Variants in PHLPP1 observed in about 807,000 individuals in gnomAD.
PHLPP1 encodes PH domain leucine-rich repeat-containing protein phosphatase 1.
PHLPP1 carries 42 observed loss-of-function variants against 117.2 expected under a neutral mutation model. That is an observed-to-expected ratio of 0.36 (90% confidence interval 0.28 to 0.46). The LOEUF (loss-of-function observed/expected upper bound fraction) is 0.46, where lower values mean the gene tolerates loss of function less well. Among genes scored for constraint, PHLPP1 ranks in the 20% least tolerant of loss-of-function variants. The pLI is 1.00. For missense variants in PHLPP1, 2,084 were observed against 2,241.9 expected (o/e 0.93, Z 1.42); for synonymous variants, 1,042 against 970.7 (o/e 1.07, Z -1.37).
chr18:62,877,659 T>C (rs536031089), intron 4 of PHLPP1, among the ~76,000 whole-genome samples: 217 of 152,360 alleles, frequency 1.4e-3, no homozygotes, highest in Non-Finnish European at 2.6e-3. Context: ...TCCTTTCTTA[T>C]ACAGCTTTGC....
At chr18:62,827,521 A>C (rs1914642616) in intron 1 of PHLPP1, among the ~76,000 whole-genome samples, 1 of 152,330 alleles carries the variant, frequency 6.6e-6, no homozygotes, top group Non-Finnish European at 1.5e-5. Flanking sequence ...ATTCATCTCC[A>C]TATTCCCCAG....
At chr18:62,869,826 G>A (rs76116425) in intron 4 of PHLPP1, among the ~76,000 whole-genome samples, 140 of 152,248 alleles carry the variant, frequency 9.2e-4, no homozygotes, top group African/African-American at 3.2e-3. Context: ...ATGTGGTATC[G>A]GAGTAACTGG....
chr18:62,813,658 A>C (rs1243539255), intron 1 of PHLPP1, among the ~76,000 whole-genome samples: 1 of 152,192 alleles, frequency 6.6e-6, no homozygotes, highest in South Asian at 2.1e-4. Flanking sequence ...CACCTGCAAC[A>C]TCTGCAAAAT....
intron 9 of PHLPP1, among the ~76,000 whole-genome samples, chr18:62,916,513 C>T (rs573648875): frequency 1.1e-4 from 17 of 151,600 alleles, no homozygotes; most frequent in Middle Eastern, 3.4e-3. Flanking sequence ...CCTGTAAATA[C>T]GATCCATTTG....
intron 12 of PHLPP1, among the ~76,000 whole-genome samples, chr18:62,956,053 A>G (rs543820542): frequency 6.6e-6 from 1 of 152,344 alleles, no homozygotes; most frequent in South Asian, 2.1e-4. Flanking sequence ...ACAAAGCAAA[A>G]AAGAGATGAC....
Position 62,716,619 on chromosome 18 carries a change from G to T in PHLPP1, c.936G>T (p.Trp312Cys), listed in dbSNP as rs1910748979. ...LPLPVGGPGG[W>C]SRRASPAPSD... Reference sequence around the variant, plus strand: ...TGCCCGTCGGCGGCCCGGGCGGGTGGTCGCGCCGCGCCAGCCCAGCGCCCT... The same window carrying T: ...TGCCCGTCGGCGGCCCGGGCGGGTGTTCGCGCCGCGCCAGCCCAGCGCCCT... Residue 312 changes from tryptophan (W) to cysteine (C), a missense_variant, in exon 1 of 17, where the codon TGG (tryptophan) becomes TGT (cysteine). Physicochemically the swap from Trp to Cys is radical, Grantham distance 215. Transcript: ENST00000262719. This position sits in a 1 kb window ranked among gnomAD's most constrained non-coding sequence, Gnocchi z 5.7. 30 of 1,308,468 alleles carry T rather than the reference G, an allele frequency of 2.3e-5. No individual in the cohort carries two copies. The highest frequency in any genetic ancestry group is 2.9e-5 in the Non-Finnish European group (30 of 1,030,822). The allele number at this position is 1,308,468 out of a possible 1,614,324, so 81.1% of individuals were successfully genotyped here.
intron 14 of PHLPP1, among the ~76,000 whole-genome samples, chr18:62,964,501 TC>T (rs1484445646): frequency 6.6e-6 from 1 of 152,204 alleles, no homozygotes; most frequent in Non-Finnish European, 1.5e-5. Flanking sequence ...GACACATTGA[TC>T]TTTTCCCCTT....
rs142840887 is a variant in PHLPP1 at position 62,918,096 on chromosome 18, C to A, written c.2805-1863C>A. Among the ~76,000 whole-genome samples, 925 of 151,368 alleles carry A rather than the reference C, an allele frequency of 6.1e-3. 15 individuals carry two copies. Among genetic ancestry groups the A allele is most frequent in the African/African-American group, 0.021 (883 of 41,288 alleles). On this transcript the variant is annotated intron_variant, in intron 9 of 16. Coordinates refer to ENST00000262719, the MANE Select transcript of PHLPP1 (RefSeq NM_194449.4). The stretch of plus-strand genomic sequence containing the variant: ...TGGTGCACGCCTGTAGTCCCAGCTA[C>A]TCTGGAGGCTGAGGCAGGAGAATCA...
chr18:62,928,737 GAAAGTAGAACTC>G lies in PHLPP1; in HGVS notation c.2960+8627_2960+8638del, dbSNP rs145245260. 1.2e-3 allele frequency among the ~76,000 whole-genome samples: 176 copies of G among 152,234 alleles called. 1 individual carries two copies. In the East Asian group the frequency reaches 0.016, roughly 13 times the overall value. ...ATAGCAACATTATTCATAACAACTG[GAAAGTAGAACTC>G]AAATGTCTACCACTTGATTAATGGA... On this transcript the variant is annotated intron_variant, in intron 10 of 16. Coordinates refer to ENST00000262719, the MANE Select transcript of PHLPP1 (RefSeq NM_194449.4).
At chr18:62,729,832 G>C (rs1257449910) in intron 1 of PHLPP1, among the ~76,000 whole-genome samples, 5 of 152,210 alleles carry the variant, frequency 3.3e-5, no homozygotes, top group Non-Finnish European at 7.3e-5. Context: ...ATTGTATCCT[G>C]CTACCTAATG....
At chr18:62,818,038 C>T (rs375194228) in intron 1 of PHLPP1, among the ~76,000 whole-genome samples, 1 of 151,432 alleles carries the variant, frequency 6.6e-6, no homozygotes, top group African/African-American at 2.4e-5. Flanking sequence ...TATGTTTAGC[C>T]GAGACAGGGT....
chr18:62,875,193 A>G (rs1390622169), intron 4 of PHLPP1, among the ~76,000 whole-genome samples: 1 of 152,140 alleles, frequency 6.6e-6, no homozygotes, highest in Non-Finnish European at 1.5e-5. Flanking sequence ...TGACCTCATT[A>G]TCTGCCCACC....
intron 4 of PHLPP1, among the ~76,000 whole-genome samples, chr18:62,885,253 C>T (rs1341649266): frequency 2.6e-5 from 4 of 152,128 alleles, no homozygotes; most frequent in African/African-American, 4.8e-5. Context: ...GTTTTCTTTC[C>T]TGCCCTTGGA....
At chr18:62,956,875 T>C (rs1395680579) in intron 12 of PHLPP1, among the ~76,000 whole-genome samples, 2 of 152,178 alleles carry the variant, frequency 1.3e-5, no homozygotes, top group Non-Finnish European at 2.9e-5. Context: ...TACCCAAAAA[T>C]ACAGGTTTTC....
chr18:62,761,898 C>T lies in PHLPP1; in HGVS notation c.1576+44639C>T, dbSNP rs562793324. 5.3e-5 allele frequency among the ~76,000 whole-genome samples: 8 copies of T among 152,038 alleles called. No homozygotes were observed. In the East Asian group the frequency reaches 9.6e-4, roughly 18 times the overall value. On this transcript the variant is annotated intron_variant, in intron 1 of 16. Transcript: ENST00000262719. ...TGTTGGGATTATAGGCATGAGCTGC[C>T]GCACTGGTCCTCTGTAAGCATTTTT...
intron 1 of PHLPP1, among the ~76,000 whole-genome samples, chr18:62,793,100 A>G (rs976068034): frequency 1.5e-4 from 23 of 152,212 alleles, no homozygotes; most frequent in Admixed American, 1.4e-3. Flanking sequence ...ACTTGAACCC[A>G]GGAGGCAGAG....
Position 62,715,770 on chromosome 18 carries a change from G to T in PHLPP1, c.87G>T (p.Ala29=). The T allele has an allele frequency of 9.5e-6, 9 of 948,596 alleles. No individual in the cohort carries two copies. The highest frequency in any genetic ancestry group is 1.2e-5 in the Non-Finnish European group (9 of 769,888). The allele number at this position is 948,596 out of a possible 1,614,324, so 58.8% of individuals were successfully genotyped here. Residue 29 remains alanine (A), a synonymous_variant, in exon 1 of 17, where the codon GCG becomes GCT. Coordinates refer to ENST00000262719, the MANE Select transcript of PHLPP1 (RefSeq NM_194449.4). ...DRASAPAAAA[A]AAAAAAAAAA... is the part of the protein sequence containing the mutation. Reference sequence around the variant, plus strand: ...CTTCGGCTCCGGCGGCCGCCGCTGCGGCAGCAGCAGCAGCAGCGGCGGCCG... The same window carrying T: ...CTTCGGCTCCGGCGGCCGCCGCTGCTGCAGCAGCAGCAGCAGCGGCGGCCG...
At chr18:62,916,147 C>A (rs1213675222) in intron 9 of PHLPP1, among the ~76,000 whole-genome samples, 1 of 151,796 alleles carries the variant, frequency 6.6e-6, no homozygotes, top group Non-Finnish European at 1.5e-5. Context: ...GTATGGTAGC[C>A]CCCAGCCAGC....
At chr18:62,873,859 A>T (rs1915968409) in intron 4 of PHLPP1, among the ~76,000 whole-genome samples, 1 of 152,192 alleles carries the variant, frequency 6.6e-6, no homozygotes, top group Non-Finnish European at 1.5e-5. Flanking sequence ...TTAAGCATTG[A>T]AATAAATATG....
Sources: gnomAD v4.1 joint callset for allele counts (sites outside exome capture counted in the v4.1 genomes callset) on GRCh38, gnomAD v4.1.1 for gene constraint, Gnocchi (gnomAD v3.1) non-coding constraint, MANE v1.5 for transcripts, NCBI Gene and HGNC (gene_info 2026-07-23, HGNC 2026-07-21) for gene names.